Variants in THSD7B observed in about 807,000 individuals in gnomAD.
The protein encoded by THSD7B is thrombospondin type-1 domain-containing protein 7B.
A neutral mutation model predicts 213.6 loss-of-function variants in THSD7B; 138 were observed. The ratio of observed to expected loss-of-function variants is 0.65; its 90% CI spans 0.56 to 0.74. THSD7B has a LOEUF of 0.74. Among genes scored for constraint, THSD7B ranks in the 30% least tolerant of loss-of-function variants. THSD7B has a pLI of 0.00. For synonymous variants in THSD7B, 742 were observed against 687.0 expected (o/e 1.08, Z -1.25); for missense variants, 1,931 against 1,991.5 (o/e 0.97, Z 0.58).
intron 15 of THSD7B, among the ~76,000 whole-genome samples, chr2:137,551,385 A>C (rs1421877056): frequency 1.3e-5 from 2 of 152,192 alleles, no homozygotes; most frequent in African/African-American, 4.8e-5. Context: ...AAATTTCATT[A>C]ATCACAATGG....
At chr2:136,958,651 CTT>C (rs1024252535) in intron 2 of THSD7B, among the ~76,000 whole-genome samples, 4 of 152,178 alleles carry the variant, frequency 2.6e-5, no homozygotes, top group African/African-American at 9.7e-5. Context: ...AAGAAAGACT[CTT>C]TAATTATTTT....
At position 137,338,031 on chromosome 2, in the gene THSD7B, T is replaced by C. The variant is rs187187012; in HGVS notation, c.2500+62005T>C. Among the ~76,000 whole-genome samples, 49 of 152,218 alleles carry C rather than the reference T, an allele frequency of 3.2e-4. No homozygotes were observed. The East Asian group carries it at 8.9e-3, about 28-fold the overall frequency. On this transcript the variant is annotated intron_variant, in intron 12 of 27. Coordinates refer to ENST00000409968, the MANE Select transcript of THSD7B (RefSeq NM_001316349.2). ...GGTTAAAACAACACTGTATTTTCATTCTTAATGCTTCTAAAGATTAGTAGG... is the reference window on the plus strand; with the variant it reads ...GGTTAAAACAACACTGTATTTTCATCCTTAATGCTTCTAAAGATTAGTAGG...
chr2:137,597,253 A>G (rs1681979565), intron 17 of THSD7B, among the ~76,000 whole-genome samples: 1 of 152,030 alleles, frequency 6.6e-6, no homozygotes, highest in South Asian at 2.1e-4. Flanking sequence ...TGTTATCAAC[A>G]CCTGTATAGT....
At chr2:137,452,551 G>A (rs951275853) in intron 15 of THSD7B, among the ~76,000 whole-genome samples, 2 of 152,104 alleles carry the variant, frequency 1.3e-5, no homozygotes, top group African/African-American at 4.8e-5. Context: ...TATAAATAAT[G>A]TATGATAATT....
chr2:137,192,791 A>T (rs1680684985), intron 7 of THSD7B, among the ~76,000 whole-genome samples: 1 of 152,188 alleles, frequency 6.6e-6, no homozygotes, highest in Non-Finnish European at 1.5e-5. Flanking sequence ...TTTCACTTTA[A>T]ATGGAAAATC....
chr2:136,934,432 ACT>A (rs1305013993), intron 2 of THSD7B, among the ~76,000 whole-genome samples: 2 of 152,120 alleles, frequency 1.3e-5, no homozygotes, highest in African/African-American at 4.8e-5. Context: ...ACAGTGGAAC[ACT>A]CTCATTTCCA....
chr2:136,881,877 G>A (rs1195249364), intron 1 of THSD7B, among the ~76,000 whole-genome samples: 2 of 151,978 alleles, frequency 1.3e-5, no homozygotes, highest in Non-Finnish European at 2.9e-5. Flanking sequence ...AAAATAAAAA[G>A]CAATTGGGGA....
chr2:137,044,663 T>C (rs1686938944), intron 2 of THSD7B, among the ~76,000 whole-genome samples: 1 of 152,176 alleles, frequency 6.6e-6, no homozygotes, highest in African/African-American at 2.4e-5. Flanking sequence ...ATAGTAATAA[T>C]ATTATAATAA....
chr2:137,504,485 G>A (rs1486042207), intron 15 of THSD7B, among the ~76,000 whole-genome samples: 2 of 152,086 alleles, frequency 1.3e-5, no homozygotes, highest in Non-Finnish European at 2.9e-5. Flanking sequence ...TTCTTTATGA[G>A]GATGTCCAAA....
chr2:136,788,228 A>G (rs1023090772), intron 1 of THSD7B, among the ~76,000 whole-genome samples: 4 of 152,208 alleles, frequency 2.6e-5, no homozygotes, highest in Non-Finnish European at 4.4e-5. Flanking sequence ...AGAGACCTTA[A>G]GCTACTAGAG....
chr2:137,122,580 TA>T (rs1558929038), intron 5 of THSD7B, among the ~76,000 whole-genome samples: 1 of 152,056 alleles, frequency 6.6e-6, no homozygotes, highest in Non-Finnish European at 1.5e-5. Flanking sequence ...GGGTTTAGGG[TA>T]GAGAGATAGA....
intron 15 of THSD7B, among the ~76,000 whole-genome samples, chr2:137,559,109 G>T (rs995359111): frequency 2.0e-5 from 3 of 152,158 alleles, no homozygotes; most frequent in Non-Finnish European, 4.4e-5. Context: ...TGGATAGGAA[G>T]AATCAATATC....
intron 20 of THSD7B, among the ~76,000 whole-genome samples, chr2:137,635,762 T>C (rs937103214): frequency 3.9e-5 from 6 of 152,146 alleles, no homozygotes; most frequent in African/African-American, 9.6e-5. Context: ...TACAGTGCAG[T>C]GGCACGATCT....
At chr2:136,944,646 C>T (rs1475432725) in intron 2 of THSD7B, among the ~76,000 whole-genome samples, 3 of 150,378 alleles carry the variant, frequency 2.0e-5, no homozygotes, top group African/African-American at 7.3e-5. Flanking sequence ...TAATGGCCTT[C>T]TTTGTCTCTT....
chr2:137,113,734 G>T (rs140939568), intron 4 of THSD7B, among the ~76,000 whole-genome samples: 1 of 152,120 alleles, frequency 6.6e-6, no homozygotes, highest in East Asian at 1.9e-4. Flanking sequence ...ACTGTGCCCG[G>T]CCAGAAATAT....
chr2:136,991,922 G>C (rs1284545435), intron 2 of THSD7B, among the ~76,000 whole-genome samples: 1 of 152,138 alleles, frequency 6.6e-6, no homozygotes, highest in East Asian at 1.9e-4. Flanking sequence ...AAGCTTGTCT[G>C]GCCCTAAAAC....
intron 3 of THSD7B, among the ~76,000 whole-genome samples, chr2:137,062,098 C>T (rs1042209645): frequency 1.3e-4 from 20 of 151,796 alleles, no homozygotes; most frequent in African/African-American, 4.8e-4. Flanking sequence ...GGAATTGGCT[C>T]ATTTCATCTA....
chr2:137,577,913 G>A (rs928683733), intron 17 of THSD7B, among the ~76,000 whole-genome samples: 3 of 152,144 alleles, frequency 2.0e-5, no homozygotes, highest in East Asian at 1.9e-4. Flanking sequence ...ATTGTAACGC[G>A]ATTCAAGAGA....
At chr2:137,066,261 G>C (rs918080631) in intron 3 of THSD7B, among the ~76,000 whole-genome samples, 1 of 145,004 alleles carries the variant, frequency 6.9e-6, no homozygotes, top group East Asian at 2.0e-4. Flanking sequence ...GCATAATCTC[G>C]GCTCACTGCA....
Sources: allele counts gnomAD v4.1 joint callset (sites outside exome capture counted in the v4.1 genomes callset), GRCh38; gene constraint gnomAD v4.1.1; transcripts MANE v1.5; gene names NCBI Gene and HGNC (gene_info 2026-07-23, HGNC 2026-07-21).